The following GPC5 variants were observed in gnomAD, a reference collection of about 807,000 sequenced individuals.
GPC5 encodes glypican-5.
A neutral mutation model predicts 53.9 loss-of-function variants in GPC5; 47 were observed. That is an observed-to-expected ratio of 0.87 (90% CI 0.69 to 1.11). GPC5 has a LOEUF of 1.11. Ranked by LOEUF, GPC5 falls within the 50% of genes most tolerant of loss-of-function variation. The pLI is 0.00. For synonymous variants in GPC5, 286 were observed against 263.3 expected (o/e 1.09, Z -0.84); for missense variants, 748 against 713.1 (o/e 1.05, Z -0.56).
chr13:92,115,973 G>A (rs985380949), intron 6 of GPC5, among the ~76,000 whole-genome samples: 1 of 152,116 alleles, frequency 6.6e-6, no homozygotes, highest in African/African-American at 2.4e-5. Flanking sequence ...GGAGATAGCT[G>A]GGCATGGTTG....
rs1566446337 is a variant in GPC5 at position 92,125,923 on chromosome 13, G to GTTTTTTTTTTTTTT, written c.1402-18907_1402-18906insTTTTTTTTTTTTTT. Among the ~76,000 whole-genome samples, 3 of 41,536 alleles carry GTTTTTTTTTTTTTT rather than the reference G, an allele frequency of 7.2e-5. 1 individual carries two copies. The highest frequency in any genetic ancestry group is 7.3e-5 in the African/African-American group (1 of 13,610). 27.2% of individuals were successfully genotyped at this position (41,536 alleles called of 152,430 possible). On this transcript the variant is annotated intron_variant, in intron 6 of 7. Coordinates refer to ENST00000377067, the MANE Select transcript of GPC5 (RefSeq NM_004466.6). ...ATTAGAAAGGAAACATTTGTTTTTT[G>GTTTTTTTTTTTTTT]GTTTTTTTTTTTTTTTTTTTTTTTT...
At chr13:92,385,421 CATAT>C (rs1555331914) in intron 7 of GPC5, among the ~76,000 whole-genome samples, 1 of 30,076 alleles carries the variant, frequency 3.3e-5, no homozygotes, top group African/African-American at 7.9e-5. Context: ...CATATATATA[CATAT>C]ATACATATAT....
At chr13:91,458,091 A>G (rs1021856920) in intron 2 of GPC5, among the ~76,000 whole-genome samples, 1 of 152,110 alleles carries the variant, frequency 6.6e-6, no homozygotes, top group Non-Finnish European at 1.5e-5. Context: ...ATAATCAGGG[A>G]AGAAGTGGCA....
chr13:92,486,146 C>CT (rs879863574), intron 7 of GPC5, among the ~76,000 whole-genome samples: 6 of 152,126 alleles, frequency 3.9e-5, no homozygotes, highest in South Asian at 4.1e-4. Context: ...GCTTCAATGT[C>CT]TTTTTTACAC....
chr13:92,127,508 G>T (rs2041708911), intron 6 of GPC5, among the ~76,000 whole-genome samples: 1 of 152,104 alleles, frequency 6.6e-6, no homozygotes, highest in Non-Finnish European at 1.5e-5. Context: ...CCTAAACAGG[G>T]TTCAAGGAGT....
chr13:92,256,429 A>G (rs1368082759), intron 7 of GPC5, among the ~76,000 whole-genome samples: 1 of 152,090 alleles, frequency 6.6e-6, no homozygotes, highest in Non-Finnish European at 1.5e-5. Flanking sequence ...TGTGTTTTGA[A>G]ACATTTTCAA....
At chr13:92,452,211 G>A (rs1878090247) in intron 7 of GPC5, among the ~76,000 whole-genome samples, 1 of 152,096 alleles carries the variant, frequency 6.6e-6, no homozygotes, top group African/African-American at 2.4e-5. Context: ...AGAAACGCAG[G>A]AAAATGTAAA....
At position 91,989,897 on chromosome 13, in the gene GPC5, G is replaced by A. The variant is rs374230223; in HGVS notation, c.1401+81840G>A. 2.6e-5 allele frequency among the ~76,000 whole-genome samples: 4 copies of A among 151,994 alleles called. No individual in the cohort carries two copies. The East Asian group carries it at 5.8e-4, about 22-fold the overall frequency. On this transcript the variant is annotated intron_variant, in intron 6 of 7. Transcript: ENST00000377067. ...CCATATATTGAATTGCATTAAAAGT[G>A]GATGCCAAAGAAAATGTGAGGATAA...
In GPC5 at chr13:92,129,264, G is replaced by A. The variant is rs1327048920; in HGVS notation, c.1402-15566G>A. On this transcript the variant is annotated intron_variant, in intron 6 of 7. Transcript: ENST00000377067. ...AAAACCTCAAAAGGATCATACTTCAGAAACAGAGATAAGCCAAAGATGGCA... is the reference window on the plus strand; with the variant it reads ...AAAACCTCAAAAGGATCATACTTCAAAAACAGAGATAAGCCAAAGATGGCA... Among the ~76,000 whole-genome samples the A allele has an allele frequency of 2.0e-5, 3 of 152,174 alleles. No homozygotes were observed. In the East Asian group the frequency reaches 5.8e-4, roughly 29 times the overall value.
chr13:92,597,462 C>A (rs1410367250), intron 7 of GPC5, among the ~76,000 whole-genome samples: 2 of 152,012 alleles, frequency 1.3e-5, no homozygotes, highest in African/African-American at 4.8e-5. Context: ...ATCCTCCCAG[C>A]TAAAGTGTTG....
chr13:91,794,176 G>A (rs1284061298), intron 5 of GPC5, among the ~76,000 whole-genome samples: 2 of 152,044 alleles, frequency 1.3e-5, no homozygotes, highest in East Asian at 3.9e-4. Flanking sequence ...TTTCCTTAAA[G>A]TGTAAATCTC....
At chr13:92,711,374 T>C (rs1888135567) in intron 7 of GPC5, among the ~76,000 whole-genome samples, 1 of 152,170 alleles carries the variant, frequency 6.6e-6, no homozygotes, top group Admixed American at 6.5e-5. Context: ...TACACTAAAG[T>C]GTTGTTTGCA....
At chr13:91,421,580 G>A (rs1450430797) in intron 1 of GPC5, among the ~76,000 whole-genome samples, 8 of 152,162 alleles carry the variant, frequency 5.3e-5, no homozygotes, top group Admixed American at 5.2e-4. Flanking sequence ...CAACAATATT[G>A]CATTGAATTG....
chr13:92,200,736 G>C (rs2042288320), intron 7 of GPC5, among the ~76,000 whole-genome samples: 1 of 152,154 alleles, frequency 6.6e-6, no homozygotes, highest in Admixed American at 6.5e-5. Context: ...CCCAAAGCTA[G>C]ACCAATTATT....
rs1345932738 is a variant in GPC5 at position 92,258,712 on chromosome 13, G to GAC, written c.1561+113732_1561+113733dup. On this transcript the variant is annotated intron_variant, in intron 7 of 7. Coordinates refer to ENST00000377067, the MANE Select transcript of GPC5 (RefSeq NM_004466.6). ...TTCATCCTAAATACACATACACACA[G>GAC]ACACACACACTAACATAAATCAATT... Among the ~76,000 whole-genome samples, 43 of 152,182 alleles carry GAC rather than the reference G, an allele frequency of 2.8e-4. 1 individual carries two copies. The South Asian group carries it at 5.2e-3, about 18-fold the overall frequency.
intron 3 of GPC5, among the ~76,000 whole-genome samples, chr13:91,726,255 C>T (rs1231437974): frequency 1.3e-5 from 2 of 152,150 alleles, no homozygotes; most frequent in Non-Finnish European, 2.9e-5. Flanking sequence ...CTATCTGTAA[C>T]TCATGAACAC....
chr13:92,049,668 ATGT>A (rs1398166573), intron 6 of GPC5, among the ~76,000 whole-genome samples: 4 of 152,138 alleles, frequency 2.6e-5, no homozygotes, highest in Admixed American at 1.3e-4. Flanking sequence ...ATATTTTATA[ATGT>A]TGTAACCATT....
intron 6 of GPC5, among the ~76,000 whole-genome samples, chr13:92,110,926 C>T (rs1236255914): frequency 1.3e-5 from 2 of 152,078 alleles, no homozygotes; most frequent in Admixed American, 1.3e-4. Context: ...AATATATGTC[C>T]ATTTACACAA....
chr13:91,837,057 A>G (rs1388704448), intron 5 of GPC5, among the ~76,000 whole-genome samples: 3 of 149,700 alleles, frequency 2.0e-5, no homozygotes, highest in Non-Finnish European at 3.0e-5. Context: ...ATATATATTT[A>G]TATTTATTTA....
Sources: allele counts gnomAD v4.1 joint callset (sites outside exome capture counted in the v4.1 genomes callset), GRCh38; gene constraint gnomAD v4.1.1; transcripts MANE v1.5; gene names NCBI Gene and HGNC (gene_info 2026-07-23, HGNC 2026-07-21).